ARID4A: variants seen among roughly 807,000 people sequenced by gnomAD.
The protein encoded by ARID4A is AT-rich interactive domain-containing protein 4A.
ARID4A carries 39 observed loss-of-function variants against 148.6 expected under a neutral mutation model. The observed-to-expected ratio is 0.26, with a 90% CI of 0.20 to 0.34. The LOEUF (loss-of-function observed/expected upper bound fraction) is 0.34, where lower values mean the gene tolerates loss of function less well. Among genes scored for constraint, ARID4A ranks in the 10% least tolerant of loss-of-function variants. The pLI is 1.00. For synonymous variants in ARID4A, 475 were observed against 481.2 expected, an observed-to-expected ratio of 0.99 and a Z score of 0.17; for missense variants, 1,265 against 1,449.1, an observed-to-expected ratio of 0.87 and a Z score of 2.06.
chr14:58,315,770 T>C (rs2032367930), intron 5 of ARID4A, among the ~76,000 whole-genome samples: 1 of 152,234 alleles, frequency 6.6e-6, no homozygotes, highest in Non-Finnish European at 1.5e-5. Flanking sequence ...ACCCTATTAC[T>C]CAAGTGCAGA....
At chr14:58,370,865 C>T (rs2035579121) in intron 23 of ARID4A, among the ~76,000 whole-genome samples, 1 of 152,152 alleles carries the variant, frequency 6.6e-6, no homozygotes, top group Non-Finnish European at 1.5e-5. Context: ...TTTGCTTTGG[C>T]CTCCCAAAGT....
chr14:58,302,032 G>A (rs1594857493), intron 3 of ARID4A, among the ~76,000 whole-genome samples: 1 of 152,274 alleles, frequency 6.6e-6, no homozygotes. Context: ...CAGGAATTAT[G>A]TTTTCAAGAC....
At chr14:58,361,365 A>G (rs915187942) in intron 19 of ARID4A, among the ~76,000 whole-genome samples, 2 of 152,122 alleles carry the variant, frequency 1.3e-5, no homozygotes, top group Non-Finnish European at 2.9e-5. Flanking sequence ...CCATATTTTT[A>G]ATAGTTTTGT....
intron 8 of ARID4A, among the ~76,000 whole-genome samples, chr14:58,326,971 A>G (rs754021477): frequency 1.3e-5 from 2 of 152,140 alleles, no homozygotes; most frequent in Non-Finnish European, 2.9e-5. Flanking sequence ...GCACAGCTAT[A>G]TTATTAGTCT....
At chr14:58,349,589 C>G (rs540411939) in intron 15 of ARID4A, among the ~76,000 whole-genome samples, 21 of 152,280 alleles carry the variant, frequency 1.4e-4, no homozygotes, top group African/African-American at 4.6e-4. Flanking sequence ...CATTTCTCAC[C>G]TGTAGTCCCA....
rs985752112 is a variant in ARID4A, at chr14:58,372,155, G to A, written c.*166G>A. On this transcript the variant is annotated 3_prime_UTR_variant, in exon 24 of 24. Transcript: ENST00000355431. Reference sequence around the variant, plus strand: ...ATTCCCCTCTCTCTTCTTTTTTCTTGTTGCAAAAAATAAGCTGATTAATAA... The same window carrying A: ...ATTCCCCTCTCTCTTCTTTTTTCTTATTGCAAAAAATAAGCTGATTAATAA... 4 of 523,040 alleles carry A rather than the reference G, an allele frequency of 7.6e-6. No individual in the cohort carries two copies. The African/African-American group carries it at 7.8e-5, about 10-fold the overall frequency. The allele number at this position is 523,040 out of a possible 1,614,324, so 32.4% of individuals were successfully genotyped here.
At chr14:58,352,501 A>T (rs1343735400) in intron 16 of ARID4A, among the ~76,000 whole-genome samples, 1 of 152,210 alleles carries the variant, frequency 6.6e-6, no homozygotes, top group South Asian at 2.1e-4. Flanking sequence ...ATTTAAAAAG[A>T]CTGTAACTCT....
Position 58,320,732 on chromosome 14 carries a change from C to T in ARID4A, c.449+1927C>T, listed in dbSNP as rs543225805. 3.9e-5 allele frequency among the ~76,000 whole-genome samples: 6 copies of T among 152,080 alleles called. No individual in the cohort carries two copies. In the East Asian group the frequency reaches 5.8e-4, roughly 15 times the overall value. ...TTGCCATTCTCCTGCCTCAGCCTCC[C>T]GAGTAGCTGGGACTACAGTCGTCCA... On this transcript the variant is annotated intron_variant, in intron 7 of 23. Transcript: ENST00000355431.
intron 15 of ARID4A, among the ~76,000 whole-genome samples, chr14:58,349,600 G>A (rs1442170889): frequency 1.3e-5 from 2 of 152,140 alleles, no homozygotes; most frequent in Non-Finnish European, 2.9e-5. Flanking sequence ...TGTAGTCCCA[G>A]CTACTCAGGA....
At chr14:58,339,909 T>C (rs2034026761) in intron 11 of ARID4A, among the ~76,000 whole-genome samples, 2 of 151,782 alleles carry the variant, frequency 1.3e-5, no homozygotes, top group South Asian at 4.2e-4. Context: ...CTATACACTT[T>C]CAAGCAACCA....
chr14:58,359,027 C>T (rs2035011968), intron 17 of ARID4A, 105 bp from the exon 18 acceptor site: 11 of 1,262,100 alleles, frequency 8.7e-6, no homozygotes, highest in African/African-American at 1.5e-5. Flanking sequence ...TAAGAACAAA[C>T]TATTTAATCT....
At chr14:58,299,141 G>GGCTCC (rs1200000693) in intron 1 of ARID4A, among the ~76,000 whole-genome samples, 1 of 152,296 alleles carries the variant, frequency 6.6e-6, no homozygotes, top group South Asian at 2.1e-4. Flanking sequence ...GCTGCGGTGC[G>GGCTCC]GCTCCCCTCC....
Position 58,365,078 on chromosome 14 carries a change from C to T in ARID4A, c.2989C>T (p.Pro997Ser). Residue 997 changes from proline to serine, a missense_variant, in exon 20 of 24, where the codon CCT becomes TCT. Physicochemically the swap from Pro to Ser is moderately conservative, Grantham distance 74. This residue lies in a region of ARID4A where 666 missense variants were observed against 730.9 expected (regional missense o/e 0.91). Transcript: ENST00000355431. ...SLVSIPPALP[P>S]VVQHNFSVAS... ...TGTTTCTATTCCACCTGCCCTACCTCCTGTAGTCCAACATAACTTTTCAGT... is the reference window on the plus strand; with the variant it reads ...TGTTTCTATTCCACCTGCCCTACCTTCTGTAGTCCAACATAACTTTTCAGT... 6.2e-7 allele frequency: 1 copy of T among 1,614,128 alleles called. No individual in the cohort carries two copies. The highest frequency in any genetic ancestry group is 8.5e-7 in the Non-Finnish European group (1 of 1,180,004).
At chr14:58,304,545 T>G (rs2031450252) in intron 3 of ARID4A, among the ~76,000 whole-genome samples, 1 of 152,254 alleles carries the variant, frequency 6.6e-6, no homozygotes, top group Non-Finnish European at 1.5e-5. Context: ...CTGGTTTTAA[T>G]TTGTTTACCT....
At chr14:58,308,785 G>A (rs2031799599) in intron 5 of ARID4A, among the ~76,000 whole-genome samples, 1 of 152,152 alleles carries the variant, frequency 6.6e-6, no homozygotes, top group Non-Finnish European at 1.5e-5. Context: ...TCCTAGCAAA[G>A]TATTACATGG....
intron 14 of ARID4A, 125 bp from the exon 15 acceptor site, chr14:58,347,522 A>T: frequency 2.9e-6 from 2 of 681,208 alleles, no homozygotes; most frequent in Middle Eastern, 4.3e-4. Context: ...ATAGTAACAC[A>T]GAAAAGAGTA....
intron 11 of ARID4A, among the ~76,000 whole-genome samples, chr14:58,337,112 G>C (rs1046508722): frequency 7.6e-4 from 114 of 150,362 alleles, no homozygotes; most frequent in African/African-American, 2.6e-3. Flanking sequence ...GGCTGGTCTC[G>C]AACTCCTGGC....
chr14:58,338,083 C>G (rs2033920703), intron 11 of ARID4A, among the ~76,000 whole-genome samples: 2 of 152,074 alleles, frequency 1.3e-5, no homozygotes, highest in Admixed American at 1.3e-4. Context: ...CTTTGTGTTG[C>G]CCATTCCCTT....
chr14:58,350,762 A>C (rs2034601756), intron 15 of ARID4A, among the ~76,000 whole-genome samples: 1 of 152,176 alleles, frequency 6.6e-6, no homozygotes, highest in Non-Finnish European at 1.5e-5. Context: ...AGTGAGATAA[A>C]ATGATGTAGT....
Sources: gnomAD v4.1 joint callset for allele counts (sites outside exome capture counted in the v4.1 genomes callset) on GRCh38, gnomAD v4.1.1 for gene constraint, gnomAD v4.1.1 regional missense constraint, MANE v1.5 for transcripts, NCBI Gene and HGNC (gene_info 2026-07-23, HGNC 2026-07-21) for gene names.